The following PCDH9 variants were observed in gnomAD, a reference collection of about 807,000 sequenced individuals.
The protein encoded by PCDH9 is protocadherin 9.
In PCDH9, 24 loss-of-function variants were observed where a neutral mutation model predicts 70.6. That is an observed-to-expected ratio of 0.34 (90% CI 0.25 to 0.48). PCDH9 has a LOEUF of 0.48. Ranked by LOEUF, PCDH9 falls within the 20% of genes least tolerant of loss-of-function variation. PCDH9 has a pLI of 0.99. For synonymous variants in PCDH9, 562 were observed against 558.5 expected (o/e 1.01, Z -0.09); for missense variants, 1,281 against 1,503.6 (o/e 0.85, Z 2.45).
Position 66,528,489 on chromosome 13 carries a change from G to A in PCDH9, c.3340+102721C>T, listed in dbSNP as rs533491069. ...CCAAGCAACTGAAGTGTAATTTTCA[G>A]CAGTACAGTATCAACTACTAAACTA... is the stretch of plus-strand genomic sequence containing the variant. On this transcript the variant is annotated intron_variant, in intron 4 of 4. Transcript: ENST00000377865. 2.0e-5 allele frequency among the ~76,000 whole-genome samples: 3 copies of A among 152,260 alleles called. No individual in the cohort carries two copies. The South Asian group carries it at 6.2e-4, about 32-fold the overall frequency.
intron 4 of PCDH9, among the ~76,000 whole-genome samples, chr13:66,579,058 T>A (rs1404452271): frequency 2.6e-5 from 4 of 152,072 alleles, no homozygotes; most frequent in Non-Finnish European, 5.9e-5. Flanking sequence ...CAGTAAGGAC[T>A]GGGACCTGTA....
intron 3 of PCDH9, among the ~76,000 whole-genome samples, chr13:66,758,625 G>A (rs1017230276): frequency 1.1e-4 from 17 of 151,586 alleles, no homozygotes; most frequent in Admixed American, 3.3e-4. Context: ...TTAGAGTAAC[G>A]CTGGTATTAA....
chr13:66,571,030 A>C (rs935629124), intron 4 of PCDH9, among the ~76,000 whole-genome samples: 4 of 152,078 alleles, frequency 2.6e-5, no homozygotes, highest in African/African-American at 9.6e-5. Context: ...TTTAGAATTA[A>C]CCTTCTTAAC....
chr13:66,912,040 T>C (rs922111025), intron 2 of PCDH9, among the ~76,000 whole-genome samples: 4 of 152,168 alleles, frequency 2.6e-5, no homozygotes, highest in Non-Finnish European at 5.9e-5. Context: ...ACTGTATTTG[T>C]ACCTTGAAGA....
At chr13:66,849,512 A>ATG in intron 3 of PCDH9, among the ~76,000 whole-genome samples, 1 of 108,716 alleles carries the variant, frequency 9.2e-6, no homozygotes, top group South Asian at 3.2e-4. Context: ...ATATATATAT[A>ATG]TATATAGAGA....
chr13:67,055,491 A>G (rs1367720762), intron 2 of PCDH9, among the ~76,000 whole-genome samples: 1 of 152,278 alleles, frequency 6.6e-6, no homozygotes, highest in African/African-American at 2.4e-5. Context: ...TGTATCCTAG[A>G]CCTTCCTGGG....
intron 4 of PCDH9, among the ~76,000 whole-genome samples, chr13:66,396,970 T>C (rs1957111450): frequency 6.6e-6 from 1 of 152,158 alleles, no homozygotes; most frequent in Non-Finnish European, 1.5e-5. Flanking sequence ...TGTAGGTACA[T>C]ATCTTTGGAA....
chr13:66,726,897 C>A (rs532857079), intron 3 of PCDH9, among the ~76,000 whole-genome samples: 1 of 152,282 alleles, frequency 6.6e-6, no homozygotes, highest in East Asian at 1.9e-4. Context: ...AAGCTTCCAT[C>A]CTACTTTATT....
intron 2 of PCDH9, among the ~76,000 whole-genome samples, chr13:66,969,391 C>T (rs1018609638): frequency 6.6e-6 from 1 of 151,840 alleles, no homozygotes. Context: ...CAGCTTATTG[C>T]CCATTGTTAT....
intron 3 of PCDH9, among the ~76,000 whole-genome samples, chr13:66,680,918 T>C (rs1369570944): frequency 6.6e-6 from 1 of 152,094 alleles, no homozygotes; most frequent in Non-Finnish European, 1.5e-5. Flanking sequence ...ATGTACATGG[T>C]AACTATGCAT....
At chr13:66,861,811 C>T (rs1399171633) in intron 3 of PCDH9, among the ~76,000 whole-genome samples, 1 of 152,068 alleles carries the variant, frequency 6.6e-6, no homozygotes, top group African/African-American at 2.4e-5. Flanking sequence ...ATAGTGCCGA[C>T]ATTATACTTC....
chr13:67,189,226 G>GTGTA (rs2088844844), intron 2 of PCDH9, among the ~76,000 whole-genome samples: 1 of 151,606 alleles, frequency 6.6e-6, no homozygotes, highest in African/African-American at 2.4e-5. Context: ...GTGTGTGTGT[G>GTGTA]TATCTCTCTC....
At chr13:66,716,199 T>A (rs760166634) in intron 3 of PCDH9, among the ~76,000 whole-genome samples, 22 of 152,232 alleles carry the variant, frequency 1.4e-4, no homozygotes, top group Non-Finnish European at 2.9e-4. Context: ...TGTTTTTGTC[T>A]GGAAGATTAT....
intron 2 of PCDH9, among the ~76,000 whole-genome samples, chr13:66,931,726 C>A (rs151238899): frequency 6.6e-5 from 10 of 152,188 alleles, no homozygotes; most frequent in Non-Finnish European, 1.3e-4. Flanking sequence ...GTCCTCAACA[C>A]CTGATATCAT....
At chr13:66,618,084 G>A (rs750500687) in intron 4 of PCDH9, among the ~76,000 whole-genome samples, 7 of 152,144 alleles carry the variant, frequency 4.6e-5, no homozygotes, top group Non-Finnish European at 7.4e-5. Context: ...GATTGGAATG[G>A]CTGAGTGGGA....
chr13:66,387,327 C>T (rs1956946984), intron 4 of PCDH9, among the ~76,000 whole-genome samples: 1 of 151,978 alleles, frequency 6.6e-6, no homozygotes, highest in South Asian at 2.1e-4. Context: ...AGAGCTTGTG[C>T]CTTTCTCCTC....
chr13:66,461,063 C>A (rs893807174), intron 4 of PCDH9, among the ~76,000 whole-genome samples: 4 of 151,886 alleles, frequency 2.6e-5, no homozygotes, highest in Admixed American at 6.6e-5. Flanking sequence ...CTGTCCATAT[C>A]CTCCTCCCTT....
intron 3 of PCDH9, among the ~76,000 whole-genome samples, chr13:66,795,382 GAT>G (rs1261770788): frequency 6.6e-6 from 1 of 152,068 alleles, no homozygotes. Flanking sequence ...ATAAATATAA[GAT>G]AAATTGATTA....
chr13:67,183,572 A>T (rs915702856), intron 2 of PCDH9, among the ~76,000 whole-genome samples: 3 of 152,192 alleles, frequency 2.0e-5, no homozygotes, highest in Non-Finnish European at 4.4e-5. Context: ...ACACTTTTGT[A>T]TATTATACAT....
Sources: allele counts gnomAD v4.1 joint callset (sites outside exome capture counted in the v4.1 genomes callset), GRCh38; gene constraint gnomAD v4.1.1; transcripts MANE v1.5; gene names NCBI Gene and HGNC (gene_info 2026-07-23, HGNC 2026-07-21).